SYT1: variants seen among roughly 807,000 people sequenced by gnomAD.
SYT1 encodes synaptotagmin 1.
A neutral mutation model predicts 44.8 loss-of-function variants in SYT1; 8 were observed. That is an observed-to-expected ratio of 0.18 (90% CI 0.10 to 0.32). The LOEUF (loss-of-function observed/expected upper bound fraction) is 0.32. Ranked by LOEUF, SYT1 falls within the 10% of genes least tolerant of loss-of-function variation. SYT1 has a pLI of 1.00. For missense variants in SYT1, 286 were observed against 509.3 expected, an observed-to-expected ratio of 0.56 and a Z score of 4.22; for synonymous variants, 154 against 188.8, an observed-to-expected ratio of 0.82 and a Z score of 1.51.
At chr12:79,118,423 T>C (rs1396957481) in intron 3 of SYT1, among the ~76,000 whole-genome samples, 4 of 152,236 alleles carry the variant, frequency 2.6e-5, no homozygotes, top group Non-Finnish European at 4.4e-5. Flanking sequence ...GTAATTTGGA[T>C]AGATAAGTCA....
At chr12:79,045,606 T>C (rs1170810205) in intron 2 of SYT1, 2 of 153,600 alleles carry the variant, frequency 1.3e-5, no homozygotes, top group African/African-American at 4.8e-5. Flanking sequence ...CTGGGAGCTG[T>C]AGACAGCACT....
chr12:78,965,669 A>T (rs1879730429), intron 1 of SYT1, among the ~76,000 whole-genome samples: 2 of 152,162 alleles, frequency 1.3e-5, no homozygotes, highest in South Asian at 4.1e-4. Context: ...TCACATAGTT[A>T]ATAAGTCCCA....
At chr12:79,212,119 C>T (rs559156892) in intron 3 of SYT1, among the ~76,000 whole-genome samples, 1 of 152,114 alleles carries the variant, frequency 6.6e-6, no homozygotes, top group East Asian at 1.9e-4. Context: ...CCAAAATACC[C>T]ATCAATGATA....
chr12:79,082,799 C>T (rs919329471), intron 3 of SYT1, among the ~76,000 whole-genome samples: 1 of 151,942 alleles, frequency 6.6e-6, no homozygotes, highest in African/African-American at 2.4e-5. Context: ...AAGGTGAGGC[C>T]CCAGTGCATG....
intron 1 of SYT1, among the ~76,000 whole-genome samples, chr12:78,898,301 T>G (rs2137090096): frequency 6.6e-6 from 1 of 152,204 alleles, no homozygotes; most frequent in Admixed American, 6.6e-5. Context: ...TGTTTTGCCT[T>G]GTTGTTATCT....
At chr12:79,118,723 C>G (rs61927267) in intron 3 of SYT1, among the ~76,000 whole-genome samples, 2 of 152,048 alleles carry the variant, frequency 1.3e-5, no homozygotes, top group Non-Finnish European at 2.9e-5. Context: ...TTAAGAAATT[C>G]ACCAAATGTG....
chr12:79,024,258 G>T (rs1403595260), intron 2 of SYT1, among the ~76,000 whole-genome samples: 1 of 151,698 alleles, frequency 6.6e-6, no homozygotes, highest in Non-Finnish European at 1.5e-5. Flanking sequence ...GAGGCGTGTG[G>T]CCAGCAAGCA....
At chr12:79,353,073 T>A (rs1404066905) in intron 8 of SYT1, among the ~76,000 whole-genome samples, 2 of 152,160 alleles carry the variant, frequency 1.3e-5, no homozygotes, top group African/African-American at 2.4e-5. Flanking sequence ...GTAATCCTAT[T>A]TGAAATGTAA....
chr12:79,001,546 G>A (rs902572179), intron 2 of SYT1, among the ~76,000 whole-genome samples: 1 of 152,128 alleles, frequency 6.6e-6, no homozygotes, highest in African/African-American at 2.4e-5. Context: ...CTAATGGTTG[G>A]TAAGATCAGG....
At chr12:78,998,709 ACT>A (rs1239103735) in intron 2 of SYT1, among the ~76,000 whole-genome samples, 3 of 152,044 alleles carry the variant, frequency 2.0e-5, no homozygotes, top group Non-Finnish European at 2.9e-5. Flanking sequence ...CGATTTGTTT[ACT>A]CTCTCTAAAT....
intron 9 of SYT1, among the ~76,000 whole-genome samples, chr12:79,417,489 C>T (rs542211739): frequency 2.2e-4 from 34 of 152,228 alleles, no homozygotes; most frequent in African/African-American, 7.7e-4. Context: ...CCCCTTGGCT[C>T]CTGCCTTGAC....
At chr12:79,007,567 T>C (rs990825473) in intron 2 of SYT1, among the ~76,000 whole-genome samples, 4 of 152,152 alleles carry the variant, frequency 2.6e-5, no homozygotes, top group African/African-American at 9.7e-5. Flanking sequence ...CTATGTCAAA[T>C]ATCTAGAATT....
chr12:78,893,907 C>T (rs1347011324), intron 1 of SYT1, among the ~76,000 whole-genome samples: 1 of 151,612 alleles, frequency 6.6e-6, no homozygotes, highest in Non-Finnish European at 1.5e-5. Context: ...AACTTTCAGT[C>T]TCTCATGCGC....
intron 1 of SYT1, among the ~76,000 whole-genome samples, chr12:78,964,830 TCTC>T (rs1294475487): frequency 6.6e-6 from 1 of 152,044 alleles, no homozygotes; most frequent in Non-Finnish European, 1.5e-5. Context: ...TAACTTTTCT[TCTC>T]CTCTTAGAAG....
At position 79,308,606 on chromosome 12, in the gene SYT1, G is replaced by GAA. The variant is rs752574925; in HGVS notation, c.810+9057_810+9058dup. ...GGAAAAGAAAGAAGAAAGAAAGAAAGAAAGAAAAAGAAAGAAAGAAAGAAA... is the reference window on the plus strand; with the variant it reads ...GGAAAAGAAAGAAGAAAGAAAGAAAGAAAAAGAAAAAGAAAGAAAGAAAGAAA... On this transcript the variant is annotated intron_variant, in intron 8 of 10. Coordinates refer to ENST00000261205, the MANE Select transcript of SYT1 (RefSeq NM_005639.3). 6.9e-3 allele frequency among the ~76,000 whole-genome samples: 559 copies of GAA among 81,092 alleles called. 2 individuals carry two copies. The highest frequency in any genetic ancestry group is 0.026 in the African/African-American group (529 of 20,120). The allele number at this position is 81,092 out of a possible 152,430, so 53.2% of individuals were successfully genotyped here.
At chr12:79,038,176 TATAC>T (rs1157644982) in intron 2 of SYT1, among the ~76,000 whole-genome samples, 1 of 150,932 alleles carries the variant, frequency 6.6e-6, no homozygotes, top group Non-Finnish European at 1.5e-5. Flanking sequence ...TATATATATA[TATAC>T]ACACACACAT....
chr12:79,086,430 C>T lies in SYT1; in HGVS notation c.-18+39068C>T, dbSNP rs73353555. On this transcript the variant is annotated intron_variant, in intron 3 of 10. Transcript: ENST00000261205. ...AAGTACCAATCTCAGAACACGGTGA[C>T]GAAAAATATTTTCTGCAGATTAAAA... Among the ~76,000 whole-genome samples, 1,307 of 152,166 alleles carry T rather than the reference C, an allele frequency of 8.6e-3. 21 individuals carry two copies. Among genetic ancestry groups the T allele is most frequent in the African/African-American group, 0.03 (1,238 of 41,522 alleles).
chr12:78,980,368 G>A (rs112831966), intron 2 of SYT1, among the ~76,000 whole-genome samples: 2 of 152,226 alleles, frequency 1.3e-5, no homozygotes, highest in African/African-American at 4.8e-5. Flanking sequence ...AAGGGAAAAT[G>A]GTCGAAATCT....
At chr12:79,175,350 A>G (rs1198705156) in intron 3 of SYT1, among the ~76,000 whole-genome samples, 2 of 152,038 alleles carry the variant, frequency 1.3e-5, no homozygotes, top group Non-Finnish European at 2.9e-5. Context: ...TGTAATAAAT[A>G]CTTTTGACTT....
Sources: gnomAD v4.1 joint callset for allele counts (sites outside exome capture counted in the v4.1 genomes callset) on GRCh38, gnomAD v4.1.1 for gene constraint, MANE v1.5 for transcripts, NCBI Gene and HGNC (gene_info 2026-07-23, HGNC 2026-07-21) for gene names.